The following BAIAP3 variants were observed in gnomAD, a reference collection of about 807,000 sequenced individuals.
The protein encoded by BAIAP3 is BAI1-associated protein 3.
A neutral mutation model predicts 149.7 loss-of-function variants in BAIAP3; 180 were observed. That is an observed-to-expected ratio of 1.20 (90% confidence interval 1.07 to 1.36). The LOEUF is 1.36. BAIAP3 is among the 40% of genes most tolerant of loss of function. The probability of loss-of-function intolerance (pLI) is 0.00; values close to 1 mark genes in which losing one functional copy is unlikely to be tolerated. For missense variants in BAIAP3, 1,767 were observed against 1,563.4 expected, an observed-to-expected ratio of 1.13 and a Z score of -2.20; for synonymous variants, 845 against 670.7, an observed-to-expected ratio of 1.26 and a Z score of -4.02.
At chr16:1,346,419 C>CTGAG in intron 25 of BAIAP3, 23 bp from the exon 26 acceptor site, 1 of 1,612,206 alleles carries the variant, frequency 6.2e-7, no homozygotes. Context: ...CCTGCCCGTG[C>CTGAG]TGAGCACTGC....
rs778750131 is a variant in BAIAP3, at chr16:1,344,983, G to T, written c.1824G>T (p.Ala608=). 2.5e-6 allele frequency: 4 copies of T among 1,613,026 alleles called. No individual in the cohort carries two copies. In the Admixed American group the frequency reaches 6.7e-5, roughly 27 times the overall value. ...RQLERLVAEE[A]WVLTEELSPK... ...GTCCCGGACAGGTGGCTGAGGAGGC[G>T]TGGGTGCTGACGGAGGAGCTGAGCC... Residue 608 remains alanine (A), a synonymous_variant, in exon 21 of 34, where the codon GCG becomes GCT. Transcript: ENST00000426824.
chr16:1,343,007 T>A lies in BAIAP3; in HGVS notation c.1256T>A (p.Leu419Gln). ...CAGAGCAACCTGTCACCCTTGCAGC[T>A]GGCCGTGCTGTGAGTGGGTGGAGCT... ...GAQSNLSPLQLAVLHWQVSSR... is the reference protein window; with the variant it reads ...GAQSNLSPLQQAVLHWQVSSR... Residue 419 changes from leucine (L) to glutamine (Q), a missense_variant, in exon 14 of 34, where the codon CTG becomes CAG. Physicochemically the swap from Leu to Gln is moderately radical, Grantham distance 113. Transcript: ENST00000426824. The A allele has an allele frequency of 1.2e-6, 2 of 1,603,266 alleles. No homozygotes were observed. The highest frequency in any genetic ancestry group is 1.7e-6 in the Non-Finnish European group (2 of 1,177,090).
Position 1,348,258 on chromosome 16 carries a change from T to C in BAIAP3, c.3312T>C (p.Ala1104=). 6.2e-7 allele frequency: 1 copy of C among 1,602,992 alleles called. No individual in the cohort carries two copies. The highest frequency in any genetic ancestry group is 2.2e-5 in the East Asian group (1 of 44,556). The change falls in exon 33 of 34, where the codon GCT becomes GCC. Residue 1104 remains alanine (A), a synonymous_variant. Transcript: ENST00000426824. The stretch of plus-strand genomic sequence containing the variant: ...CCCAGGTGGGCGGGGGTGCAAGGGC[T>C]GGGCAGCCTGTCACCCTGCACCTGT... ...ARPQVGGGAR[A]GQPVTLHLCR... is the part of the protein sequence containing the mutation.
intron 11 of BAIAP3, 50 bp from the exon 12 acceptor site, chr16:1,342,477 G>C: frequency 6.7e-7 from 1 of 1,501,914 alleles, no homozygotes; most frequent in South Asian, 1.2e-5. Flanking sequence ...AGTCAGTGTG[G>C]AAGGGGAGGG....
intron 1 of BAIAP3, chr16:1,334,399 A>C: frequency 5.7e-6 from 3 of 524,776 alleles, no homozygotes; most frequent in African/African-American, 1.9e-5. Flanking sequence ...CCCCCATAGA[A>C]CTGGGGGTGT....
rs745975896 is a variant in BAIAP3, at chr16:1,338,698, C to G, written c.131+18C>G. 6.4e-7 allele frequency: 1 copy of G among 1,567,486 alleles called. No homozygotes were observed. The highest frequency in any genetic ancestry group is 8.6e-7 in the Non-Finnish European group (1 of 1,158,624). On this transcript the variant is annotated intron_variant, in intron 2 of 33. Coordinates refer to ENST00000426824, the MANE Select transcript of BAIAP3 (RefSeq NM_001199097.2). ...GGGGCCTGGTGGGTGCCGAGGGGCC[C>G]AGCCCCACACGCCCACAGGGCCATT...
At chr16:1,347,246 C>T in intron 28 of BAIAP3, 52 bp from the exon 29 acceptor site, 2 of 1,576,518 alleles carry the variant, frequency 1.3e-6, no homozygotes, top group African/African-American at 1.3e-5. Context: ...CTCTACCTGT[C>T]CCCAGCACAA....
Position 1,348,215 on chromosome 16 carries a change from TCACTGGTGTCGCCCGGCCCCA to T in BAIAP3, c.3270_3290del (p.Thr1091_Gln1097del). ...GAGGCGGCCCTCGGCCTAGGTGGCG[TCACTGGTGTCGCCCGGCCCCA>T]GGTGGGCGGGGGTGCAAGGGCTGGG... On this transcript the variant is annotated inframe_deletion, in exon 33 of 34. Transcript: ENST00000426824. 1 of 1,608,472 alleles carries T rather than the reference TCACTGGTGTCGCCCGGCCCCA, an allele frequency of 6.2e-7. No individual in the cohort carries two copies. Among genetic ancestry groups the T allele is most frequent in the East Asian group, 2.2e-5 (1 of 44,832 alleles).
At position 1,345,097 on chromosome 16, in the gene BAIAP3, C is replaced by T; in HGVS notation, c.1938C>T (p.Gly646=). ...AGCGCTTCTGGGATAGCATCCCTGG[C>T]CGGTGGGTGCCCCGTCCCTATCTCT... is the stretch of plus-strand genomic sequence containing the variant. ...DLQRFWDSIP[G]RDSRSLALAG... is the part of the protein sequence containing the mutation. The change falls in exon 21 of 34, where the codon GGC becomes GGT. Residue 646 remains glycine, a splice_region_variant and synonymous_variant. Transcript: ENST00000426824. 1 of 1,612,530 alleles carries T rather than the reference C, an allele frequency of 6.2e-7. No homozygotes were observed. Among genetic ancestry groups the T allele is most frequent in the Non-Finnish European group, 8.5e-7 (1 of 1,179,972 alleles).
Position 1,346,278 on chromosome 16 carries a change from C to A in BAIAP3, c.2410C>A (p.Arg804Ser). The change falls in exon 25 of 34, where the codon CGC (arginine) becomes AGC (serine). Residue 804 changes from arginine (R) to serine (S), a missense_variant. Transcript: ENST00000426824. ...CACGGGGCCCGAGGGGGTGCTCCCC[C>A]GCCCTCTGCTCAGCTGCACACAGGC... is the stretch of plus-strand genomic sequence containing the variant. ...GATGPEGVLP[R>S]PLLSCTQALD... 1 of 1,608,816 alleles carries A rather than the reference C, an allele frequency of 6.2e-7. No homozygotes were observed.
At position 1,349,379 on chromosome 16, in the gene BAIAP3, C is replaced by T. The variant is rs758633650; in HGVS notation, c.*897C>T. 69 of 1,600,342 alleles carry T rather than the reference C, an allele frequency of 4.3e-5. No individual in the cohort carries two copies. Among genetic ancestry groups the T allele is most frequent in the South Asian group, 9.9e-5 (9 of 90,484 alleles). ...CGAGGCTGCCAGGCCCATTTATGTCCCTCATGTCTCTAGATTTTCTCGTCA... is the reference window on the plus strand; with the variant it reads ...CGAGGCTGCCAGGCCCATTTATGTCTCTCATGTCTCTAGATTTTCTCGTCA... On this transcript the variant is annotated 3_prime_UTR_variant, in exon 34 of 34. Transcript: ENST00000426824.
In BAIAP3 at chr16:1,338,926, C is replaced by T. The variant is rs1301378101; in HGVS notation, c.156C>T (p.Phe52=). The T allele has an allele frequency of 1.2e-6, 2 of 1,613,002 alleles. No individual in the cohort carries two copies. Among genetic ancestry groups the T allele is most frequent in the Non-Finnish European group, 1.7e-6 (2 of 1,179,972 alleles). Residue 52 remains phenylalanine (F), a synonymous_variant, in exon 3 of 34, where the codon TTC becomes TTT. Transcript: ENST00000426824. ...GGAAACCCGGGGATGGCGTGGAGTT[C>T]TTTGCCCACATGCGCCTCATGCTGA... is the stretch of plus-strand genomic sequence containing the variant. The part of the protein sequence containing the change: ...GAWKPGDGVE[F]FAHMRLMLKK...
At chr16:1,336,417 G>A in intron 1 of BAIAP3, 3 of 983,356 alleles carry the variant, frequency 3.1e-6, no homozygotes, top group Non-Finnish European at 3.6e-6. Context: ...CCCCCCGCAA[G>A]CATTGCCTCT....
Position 1,349,066 on chromosome 16 carries a change from G to C in BAIAP3, c.*584G>C, listed in dbSNP as rs768642944. On this transcript the variant is annotated 3_prime_UTR_variant, in exon 34 of 34. Transcript: ENST00000426824. The stretch of plus-strand genomic sequence containing the variant: ...CCCCTGAGGTCACTCTGAGGCCAGG[G>C]ACGTCACCCAAGGCTGGTGGTCAGT... 1.9e-5 allele frequency: 6 copies of C among 319,238 alleles called. No individual in the cohort carries two copies. The highest frequency in any genetic ancestry group is 3.6e-5 in the Non-Finnish European group (6 of 168,578). The allele number at this position is 319,238 out of a possible 1,614,324, so 19.8% of individuals were successfully genotyped here.
rs1338155614 is a variant in BAIAP3 at position 1,342,652 on chromosome 16, C to G, written c.1065+18C>G. ...CTACGCAGGTGGGGAAAGTGGGCGT[C>G]CCCGTCCTCCACCCCCGTCCTTGGG... On this transcript the variant is annotated intron_variant, in intron 12 of 33. Coordinates refer to ENST00000426824, the MANE Select transcript of BAIAP3 (RefSeq NM_001199097.2). 1 of 1,602,988 alleles carries G rather than the reference C, an allele frequency of 6.2e-7. No individual in the cohort carries two copies. The highest frequency in any genetic ancestry group is 1.7e-5 in the Admixed American group (1 of 58,614).
At position 1,342,935 on chromosome 16, in the gene BAIAP3, G is replaced by A. The variant is rs1480091974; in HGVS notation, c.1184G>A (p.Gly395Glu). Reference sequence around the variant, plus strand: ...CAGCCCAACTCCAGCAGCTGGCGAGGAGAGCTCAGCACACCAGCCGCCACC... The same window carrying A: ...CAGCCCAACTCCAGCAGCTGGCGAGAAGAGCTCAGCACACCAGCCGCCACC... ...AEEPNSSSWR[G>E]ELSTPAATIL... Residue 395 changes from glycine to glutamate, a missense_variant, in exon 14 of 34, where the codon GGA becomes GAA. Transcript: ENST00000426824. The A allele has an allele frequency of 4.3e-6, 7 of 1,612,150 alleles. No individual in the cohort carries two copies. The highest frequency in any genetic ancestry group is 2.7e-5 in the African/African-American group (2 of 74,944).
Position 1,347,708 on chromosome 16 carries a change from T to G in BAIAP3, c.2912T>G (p.Leu971Arg), listed in dbSNP as rs750084806. Reference protein sequence around the residue: ...FYLDKLKQRTLEQNRFGRLSV... With the variant: ...FYLDKLKQRTREQNRFGRLSV... ...TCACCCGCCTTTCCGCAGAGGACCCTGGAGCAGAACCGGTTTGGACGCCTG... is the reference window on the plus strand; with the variant it reads ...TCACCCGCCTTTCCGCAGAGGACCCGGGAGCAGAACCGGTTTGGACGCCTG... Residue 971 changes from leucine (L) to arginine (R), a missense_variant, in exon 31 of 34, where the codon CTG becomes CGG. Leu to Arg is a moderately radical substitution (Grantham distance 102). Coordinates refer to ENST00000426824, the MANE Select transcript of BAIAP3 (RefSeq NM_001199097.2). 4.3e-6 allele frequency: 7 copies of G among 1,611,030 alleles called. No individual in the cohort carries two copies. In the East Asian group the frequency reaches 1.3e-4, roughly 31 times the overall value.
intron 8 of BAIAP3, 69 bp downstream of exon 8, chr16:1,341,558 G>A (rs2033929047): frequency 7.2e-6 from 11 of 1,531,486 alleles, no homozygotes; most frequent in African/African-American, 1.4e-5. Context: ...GCTGTGCCTG[G>A]AGGGTGGTGG....
chr16:1,335,841 A>G (rs1490300032), intron 1 of BAIAP3, among the ~76,000 whole-genome samples: 1 of 152,112 alleles, frequency 6.6e-6, no homozygotes, highest in African/African-American at 2.4e-5. Context: ...TGGGGACACC[A>G]AAGAGACCTT....
Sources: gnomAD v4.1 joint callset for allele counts (sites outside exome capture counted in the v4.1 genomes callset) on GRCh38, gnomAD v4.1.1 for gene constraint, MANE v1.5 for transcripts, NCBI Gene and HGNC (gene_info 2026-07-23, HGNC 2026-07-21) for gene names.